The following RFX3 variants were observed in gnomAD, a reference collection of about 807,000 sequenced individuals.
RFX3 encodes transcription factor RFX3.
In RFX3, 14 loss-of-function variants were observed where a neutral mutation model predicts 98.6. The ratio of observed to expected loss-of-function variants is 0.14; its 90% CI spans 0.09 to 0.22. RFX3 has a LOEUF of 0.22. Ranked by LOEUF, RFX3 falls within the 10% of genes least tolerant of loss-of-function variation. RFX3 has a pLI of 1.00. For missense variants in RFX3, 639 were observed against 926.9 expected (o/e 0.69, Z 4.03); for synonymous variants, 383 against 328.4 (o/e 1.17, Z -1.80).
intron 2 of RFX3, among the ~76,000 whole-genome samples, chr9:3,390,670 T>C (rs1587470924): frequency 6.6e-6 from 1 of 152,150 alleles, no homozygotes; most frequent in Non-Finnish European, 1.5e-5. Context: ...GTAATTCTTA[T>C]GAGATCTGAT....
At chr9:3,478,916 C>A (rs1849502182) in intron 1 of RFX3, among the ~76,000 whole-genome samples, 1 of 152,118 alleles carries the variant, frequency 6.6e-6, no homozygotes, top group Admixed American at 6.6e-5. Context: ...TTTTCTTCCC[C>A]CAACTGAGCT....
At position 3,414,684 on chromosome 9, in the gene RFX3, ATATATG is replaced by A. The variant is rs1564069296; in HGVS notation, c.-8-19094_-8-19089del. ...TATGAGTATATATGTATATATGAGT[ATATATG>A]TATATATGAGTATATATGAGTATAT... On this transcript the variant is annotated intron_variant, in intron 1 of 16. Coordinates refer to ENST00000617270, the MANE Select transcript of RFX3 (RefSeq NM_001282116.2). Among the ~76,000 whole-genome samples the A allele has an allele frequency of 3.6e-3, 494 of 136,224 alleles. 10 individuals carry two copies. Among genetic ancestry groups the A allele is most frequent in the African/African-American group, 0.014 (474 of 34,464 alleles). The allele number at this position is 136,224 out of a possible 152,430, so 89.4% of individuals were successfully genotyped here.
At chr9:3,397,946 C>A (rs1316108489) in intron 1 of RFX3, among the ~76,000 whole-genome samples, 2 of 152,058 alleles carry the variant, frequency 1.3e-5, no homozygotes, top group Non-Finnish European at 1.5e-5. Context: ...TAGGGGTTTA[C>A]AAAATAAATG....
At chr9:3,342,358 C>G (rs1833981260) in intron 3 of RFX3, among the ~76,000 whole-genome samples, 1 of 152,098 alleles carries the variant, frequency 6.6e-6, no homozygotes, top group Non-Finnish European at 1.5e-5. Flanking sequence ...TCTTAAGGGA[C>G]TAATGTACAA....
At chr9:3,511,914 G>A (rs1817696070) in intron 1 of RFX3, among the ~76,000 whole-genome samples, 1 of 152,012 alleles carries the variant, frequency 6.6e-6, no homozygotes, top group Admixed American at 6.6e-5. Flanking sequence ...ACAGTCAACA[G>A]TAATTTATTG....
intron 1 of RFX3, among the ~76,000 whole-genome samples, chr9:3,432,187 G>A (rs1564094079): frequency 2.0e-5 from 3 of 152,072 alleles, no homozygotes; most frequent in South Asian, 4.2e-4. Context: ...TAAACGGCCT[G>A]TGTTTCAAAG....
chr9:3,379,044 T>A (rs1266788150), intron 2 of RFX3, among the ~76,000 whole-genome samples: 1 of 152,220 alleles, frequency 6.6e-6, no homozygotes, highest in Non-Finnish European at 1.5e-5. Context: ...AACTCAGTCA[T>A]AACCTAGTTC....
chr9:3,352,180 A>C (rs951600165), intron 2 of RFX3, among the ~76,000 whole-genome samples: 16 of 152,044 alleles, frequency 1.1e-4, no homozygotes, highest in Non-Finnish European at 1.0e-4. Flanking sequence ...TTATTCTTAC[A>C]GTATGATTAG....
intron 7 of RFX3, among the ~76,000 whole-genome samples, chr9:3,282,032 A>T (rs1455154957): frequency 6.6e-6 from 1 of 151,814 alleles, no homozygotes; most frequent in Non-Finnish European, 1.5e-5. Context: ...ATGTTTTGTA[A>T]TTCCAGAAAT....
chr9:3,378,369 A>G (rs1312073047), intron 2 of RFX3, among the ~76,000 whole-genome samples: 1 of 152,148 alleles, frequency 6.6e-6, no homozygotes, highest in Non-Finnish European at 1.5e-5. Flanking sequence ...AGACTACATA[A>G]TCCATTAATC....
chr9:3,318,815 C>T (rs371839190), intron 4 of RFX3, among the ~76,000 whole-genome samples: 3 of 152,062 alleles, frequency 2.0e-5, no homozygotes, highest in Non-Finnish European at 4.4e-5. Flanking sequence ...GGGAGAAAAA[C>T]GGTTGCCTAA....
intron 1 of RFX3, among the ~76,000 whole-genome samples, chr9:3,523,814 T>A (rs1818955072): frequency 6.6e-6 from 1 of 152,026 alleles, no homozygotes; most frequent in Admixed American, 6.5e-5. Flanking sequence ...TGGAACCCAG[T>A]TTGGGGAGAG....
rs1364878328 is a variant in RFX3 at position 3,225,016 on chromosome 9, G to A, written c.*26C>T. The A allele has an allele frequency of 1.2e-6, 2 of 1,606,414 alleles. No individual in the cohort carries two copies. Among genetic ancestry groups the A allele is most frequent in the East Asian group, 4.5e-5 (2 of 44,818 alleles). ...CCCAATATCAACAGGGTTAATGTAAGCTGGAAAAATACGCTTTAATATTCT... is the reference window on the plus strand; with the variant it reads ...CCCAATATCAACAGGGTTAATGTAAACTGGAAAAATACGCTTTAATATTCT... On this transcript the variant is annotated 3_prime_UTR_variant, in exon 17 of 17. Transcript: ENST00000617270.
At chr9:3,412,484 A>C (rs1394047316) in intron 1 of RFX3, among the ~76,000 whole-genome samples, 1 of 152,226 alleles carries the variant, frequency 6.6e-6, no homozygotes, top group Admixed American at 6.5e-5. Context: ...ACCATTTAAT[A>C]AAGATATATT....
chr9:3,477,934 T>C (rs997128357), intron 1 of RFX3, among the ~76,000 whole-genome samples: 1 of 152,182 alleles, frequency 6.6e-6, no homozygotes, highest in African/African-American at 2.4e-5. Flanking sequence ...TGAGCTCCTC[T>C]AGTGAATTTT....
chr9:3,360,586 A>T (rs1836306397), intron 2 of RFX3, among the ~76,000 whole-genome samples: 1 of 152,176 alleles, frequency 6.6e-6, no homozygotes, highest in African/African-American at 2.4e-5. Context: ...TAGATGAATT[A>T]AAAAACTTAA....
At chr9:3,504,527 ATAT>A in intron 1 of RFX3, among the ~76,000 whole-genome samples, 1 of 133,300 alleles carries the variant, frequency 7.5e-6, no homozygotes, top group African/African-American at 2.9e-5. Flanking sequence ...TATAAAATAT[ATAT>A]TATATGCCAT....
intron 1 of RFX3, among the ~76,000 whole-genome samples, 195 bp downstream of exon 1, chr9:3,525,552 G>A (rs995244003): frequency 6.6e-6 from 1 of 151,890 alleles, no homozygotes; most frequent in South Asian, 2.1e-4. Context: ...GCCGCGGCGC[G>A]CAGGGTCCAT....
intron 1 of RFX3, among the ~76,000 whole-genome samples, chr9:3,400,715 C>T (rs574355720): frequency 6.6e-6 from 1 of 152,348 alleles, no homozygotes; most frequent in East Asian, 1.9e-4. Flanking sequence ...CTGAAAAGTT[C>T]ATAATTTGGC....
Sources: gnomAD v4.1 joint callset for allele counts (sites outside exome capture counted in the v4.1 genomes callset) on GRCh38, gnomAD v4.1.1 for gene constraint, MANE v1.5 for transcripts, NCBI Gene and HGNC (gene_info 2026-07-23, HGNC 2026-07-21) for gene names.